The following CFAP210 variants were observed in gnomAD, a reference collection of about 807,000 sequenced individuals.
The protein encoded by CFAP210 is cilia- and flagella- associated protein 210.
chr2:169,663,365 TA>T, the CFAP210 span, among the ~76,000 whole-genome samples: 1 of 152,000 alleles, frequency 6.6e-6, no homozygotes, highest in African/African-American at 2.4e-5. Flanking sequence ...TTTCTTTCTT[TA>T]AAAAAATTTT....
At chr2:169,678,884 G>C in the CFAP210 span, among the ~76,000 whole-genome samples, 287 of 151,570 alleles carry the variant, frequency 1.9e-3, 5 homozygotes, top group East Asian at 0.041. Context: ...ATGTGCAAAG[G>C]ACCTAGAATA....
chr2:169,687,654 T>C, the CFAP210 span, among the ~76,000 whole-genome samples: 1 of 152,242 alleles, frequency 6.6e-6, no homozygotes, highest in Non-Finnish European at 1.5e-5. Flanking sequence ...CCCTCCTGGC[T>C]GCTTTCACGG....
the CFAP210 span, among the ~76,000 whole-genome samples, chr2:169,655,391 T>C: frequency 6.6e-6 from 1 of 152,248 alleles, no homozygotes; most frequent in Admixed American, 6.5e-5. Context: ...CAGGGTCTAC[T>C]ATGTGCCCAG....
At chr2:169,663,760 G>A in the CFAP210 span, among the ~76,000 whole-genome samples, 1 of 150,956 alleles carries the variant, frequency 6.6e-6, no homozygotes, top group Non-Finnish European at 1.5e-5. Flanking sequence ...GTTGGCCAAT[G>A]CTAAACCAGG....
the CFAP210 span, among the ~76,000 whole-genome samples, chr2:169,665,955 C>T: frequency 1.2e-3 from 188 of 152,204 alleles, 1 homozygote; most frequent in Admixed American, 4.4e-3. Flanking sequence ...CTTTGAACTC[C>T]TGGGCTCAAG....
the CFAP210 span, among the ~76,000 whole-genome samples, chr2:169,657,554 T>TTTG: frequency 6.6e-6 from 1 of 151,842 alleles, no homozygotes. Flanking sequence ...CCTGTCTCTA[T>TTTG]TAAAAGTACA....
chr2:169,692,784 C>T, the CFAP210 span, among the ~76,000 whole-genome samples: 1 of 152,166 alleles, frequency 6.6e-6, no homozygotes, highest in African/African-American at 2.4e-5. Context: ...TCAAACATGT[C>T]GAATAATAAC....
At chr2:169,670,329 G>A in the CFAP210 span, among the ~76,000 whole-genome samples, 1 of 152,084 alleles carries the variant, frequency 6.6e-6, no homozygotes. Context: ...TGGGCTATGA[G>A]TCACACAAAG....
the CFAP210 span, among the ~76,000 whole-genome samples, chr2:169,665,517 G>A: frequency 6.6e-6 from 1 of 151,976 alleles, no homozygotes; most frequent in Admixed American, 6.6e-5. Flanking sequence ...GCAGGGGAAG[G>A]ATGGCTATCT....
chr2:169,662,777 TC>T, the CFAP210 span, among the ~76,000 whole-genome samples: 1 of 152,222 alleles, frequency 6.6e-6, no homozygotes, highest in Non-Finnish European at 1.5e-5. Flanking sequence ...CTTCCCAACT[TC>T]AGCCCTAGAT....
the CFAP210 span, among the ~76,000 whole-genome samples, chr2:169,678,353 A>G: frequency 3.3e-5 from 5 of 151,218 alleles, no homozygotes; most frequent in East Asian, 7.8e-4. Context: ...AAAAAAAAAA[A>G]AAAAAAAAAA....
the CFAP210 span, among the ~76,000 whole-genome samples, chr2:169,654,970 A>G: frequency 6.6e-6 from 1 of 152,174 alleles, no homozygotes; most frequent in African/African-American, 2.4e-5. Flanking sequence ...TTTTGCATAC[A>G]TATAAGAAAA....
the CFAP210 span, among the ~76,000 whole-genome samples, chr2:169,657,439 T>C: frequency 0.41 from 61,998 of 151,986 alleles, 12,937 homozygotes; most frequent in Non-Finnish European, 0.44. Flanking sequence ...GAAAAATGGC[T>C]GGGCACAGTG....
At chr2:169,693,172 C>T in the CFAP210 span, among the ~76,000 whole-genome samples, 1 of 152,224 alleles carries the variant, frequency 6.6e-6, no homozygotes, top group South Asian at 2.1e-4. Flanking sequence ...TTACTAATAG[C>T]TGCACACATC....
chr2:169,645,759 G>A, the CFAP210 span: 13 of 863,112 alleles, frequency 1.5e-5, no homozygotes, highest in African/African-American at 1.0e-4. Context: ...ATGAAGAACA[G>A]CTTTATTAAC....
At chr2:169,654,649 AG>A in the CFAP210 span, among the ~76,000 whole-genome samples, 1 of 152,200 alleles carries the variant, frequency 6.6e-6, no homozygotes, top group Non-Finnish European at 1.5e-5. Flanking sequence ...AAATGTTAAC[AG>A]TAGTTATCCC....
the CFAP210 span, among the ~76,000 whole-genome samples, chr2:169,683,607 A>G: frequency 6.6e-6 from 1 of 152,222 alleles, no homozygotes; most frequent in Non-Finnish European, 1.5e-5. Context: ...GGGTCAGTAT[A>G]GCACATGGCC....
the CFAP210 span, among the ~76,000 whole-genome samples, chr2:169,663,080 C>T: frequency 6.6e-6 from 1 of 152,176 alleles, no homozygotes; most frequent in Non-Finnish European, 1.5e-5. Context: ...ACTATCGCTA[C>T]CAGGAGCTCC....
chr2:169,662,916 G>A, the CFAP210 span, among the ~76,000 whole-genome samples: 1 of 152,214 alleles, frequency 6.6e-6, no homozygotes, highest in Non-Finnish European at 1.5e-5. Flanking sequence ...TTGACTAGCT[G>A]ATAATTTCTT....
Sources: gnomAD v4.1 joint callset for allele counts (sites outside exome capture counted in the v4.1 genomes callset) on GRCh38, gnomAD v4.1.1 for gene constraint, MANE v1.5 for transcripts, NCBI Gene and HGNC (gene_info 2026-07-23, HGNC 2026-07-21) for gene names.